Variants in ZMYM2 observed in about 807,000 individuals in gnomAD.
The protein encoded by ZMYM2 is zinc finger MYM-type protein 2.
Under a neutral mutation model 162.8 loss-of-function variants are expected in ZMYM2, and 56 were observed. That is an observed-to-expected ratio of 0.34 (90% CI 0.28 to 0.43). ZMYM2 has a LOEUF of 0.43. Ranked by LOEUF, ZMYM2 falls within the 20% of genes least tolerant of loss-of-function variation. The probability of loss-of-function intolerance (pLI) is 1.00; values close to 1 mark genes in which losing one functional copy is unlikely to be tolerated. For synonymous variants in ZMYM2, 510 were observed against 541.6 expected, an observed-to-expected ratio of 0.94 and a Z score of 0.81; for missense variants, 1,275 against 1,621.8, an observed-to-expected ratio of 0.79 and a Z score of 3.67.
At chr13:19,998,337 A>G (rs1256488747) in intron 3 of ZMYM2, among the ~76,000 whole-genome samples, 1 of 152,212 alleles carries the variant, frequency 6.6e-6, no homozygotes, top group Admixed American at 6.5e-5. Flanking sequence ...ATGTAAATTG[A>G]AAATAGAGAA....
intron 2 of ZMYM2, among the ~76,000 whole-genome samples, chr13:19,978,678 G>A (rs1297909370): frequency 6.6e-6 from 1 of 152,166 alleles, no homozygotes; most frequent in Non-Finnish European, 1.5e-5. Flanking sequence ...GCCTCCCAAA[G>A]TGCTGGGATT....
At chr13:20,021,864 G>A (rs1368447286) in intron 7 of ZMYM2, among the ~76,000 whole-genome samples, 3 of 152,256 alleles carry the variant, frequency 2.0e-5, no homozygotes, top group Non-Finnish European at 2.9e-5. Context: ...AAATACGTCG[G>A]TAGATGTATT....
chr13:19,884,685 G>T, the ZMYM2 span, among the ~76,000 whole-genome samples: 2 of 151,984 alleles, frequency 1.3e-5, no homozygotes, highest in Non-Finnish European at 2.9e-5. Flanking sequence ...TAGCACGTCC[G>T]GACTTCGTTC....
intron 2 of ZMYM2, among the ~76,000 whole-genome samples, chr13:19,992,483 C>T (rs1188390274): frequency 1.3e-5 from 2 of 152,122 alleles, no homozygotes; most frequent in African/African-American, 4.8e-5. Flanking sequence ...TCGCCTTAAC[C>T]TGGGAGGTCA....
intron 3 of ZMYM2, among the ~76,000 whole-genome samples, chr13:20,001,815 T>C (rs1034537805): frequency 6.6e-6 from 1 of 152,250 alleles, no homozygotes; most frequent in Non-Finnish European, 1.5e-5. Context: ...AGATTACAGC[T>C]TGATGAAAGC....
intron 6 of ZMYM2, among the ~76,000 whole-genome samples, chr13:20,015,309 A>G (rs1951531231): frequency 6.6e-6 from 1 of 152,114 alleles, no homozygotes; most frequent in African/African-American, 2.4e-5. Flanking sequence ...TCCATTGCTC[A>G]TTGGAAAGAT....
chr13:19,962,682 G>T (rs1955377082), intron 2 of ZMYM2, among the ~76,000 whole-genome samples: 1 of 150,548 alleles, frequency 6.6e-6, no homozygotes, highest in African/African-American at 2.4e-5. Context: ...GCGCCACTGT[G>T]CCTGACCAAT....
At chr13:19,955,138 A>AATTATTATTATTATTATT (rs58375933), upstream of ZMYM2, among the ~76,000 whole-genome samples, 3 of 149,712 alleles carry the variant, frequency 2.0e-5, no homozygotes, top group Middle Eastern at 3.5e-3. Context: ...TAGTTACTGC[A>AATTATTATTATTATTATT]ATTATTATTA....
the ZMYM2 span, among the ~76,000 whole-genome samples, chr13:19,884,472 G>T: frequency 6.6e-6 from 1 of 152,056 alleles, no homozygotes; most frequent in Non-Finnish European, 1.5e-5. Flanking sequence ...CAGCTACTCG[G>T]GAGGCCGAGG....
At chr13:20,016,903 T>C (rs1399587841) in intron 6 of ZMYM2, among the ~76,000 whole-genome samples, 2 of 152,230 alleles carry the variant, frequency 1.3e-5, no homozygotes, top group African/African-American at 4.8e-5. Flanking sequence ...TTTTAGCCAT[T>C]AATTTTTCAG....
chr13:19,888,803 T>G, the ZMYM2 span, among the ~76,000 whole-genome samples: 1 of 151,918 alleles, frequency 6.6e-6, no homozygotes, highest in African/African-American at 2.4e-5. Context: ...TTCAGCATTT[T>G]GGCCAGGCTG....
intron 19 of ZMYM2, among the ~76,000 whole-genome samples, chr13:20,065,857 G>A (rs1047059203): frequency 6.6e-6 from 1 of 151,968 alleles, no homozygotes; most frequent in Admixed American, 6.6e-5. Context: ...ACAGAGCAAG[G>A]CCCTGTCTTA....
chr13:20,075,557 A>C (rs1388038330), intron 21 of ZMYM2, among the ~76,000 whole-genome samples: 1 of 152,200 alleles, frequency 6.6e-6, no homozygotes, highest in Admixed American at 6.5e-5. Flanking sequence ...AAATGATAGG[A>C]AATCCTACGA....
intron 7 of ZMYM2, chr13:20,025,790 T>C (rs1952529961): frequency 6.6e-6 from 1 of 152,296 alleles, no homozygotes; most frequent in South Asian, 2.1e-4. Flanking sequence ...TTATTGCTGC[T>C]AGGCTATAAG....
intron 6 of ZMYM2, among the ~76,000 whole-genome samples, chr13:20,010,639 T>C (rs1307957688): frequency 6.6e-6 from 1 of 151,776 alleles, no homozygotes; most frequent in Non-Finnish European, 1.5e-5. Flanking sequence ...GTTTGTCTGT[T>C]TGTTTGTTTG....
chr13:19,870,599 T>TTC, the ZMYM2 span, among the ~76,000 whole-genome samples: 10 of 131,686 alleles, frequency 7.6e-5, no homozygotes, highest in African/African-American at 2.8e-4. Context: ...TTCCTTCCTT[T>TTC]CTTTCTTTCT....
At chr13:20,050,839 G>A (rs913544111) in intron 12 of ZMYM2, among the ~76,000 whole-genome samples, 2 of 151,978 alleles carry the variant, frequency 1.3e-5, no homozygotes, top group South Asian at 4.1e-4. Context: ...CAAATTGCTT[G>A]TCTTATAGAT....
At chr13:19,878,167 G>A in the ZMYM2 span, among the ~76,000 whole-genome samples, 5 of 151,100 alleles carry the variant, frequency 3.3e-5, no homozygotes, top group African/African-American at 9.7e-5. Context: ...ATTCTCCTGC[G>A]TCAGCTGCCC....
Position 20,074,237 on chromosome 13 carries a change from T to TGTGTGAGAGA in ZMYM2, c.3453+6848_3453+6849insTGTGAGAGAG, listed in dbSNP as rs1491090474. Among the ~76,000 whole-genome samples the TGTGTGAGAGA allele has an allele frequency of 1.9e-3, 242 of 127,556 alleles. 3 individuals are homozygous for TGTGTGAGAGA. Among genetic ancestry groups the TGTGTGAGAGA allele is most frequent in the African/African-American group, 6.2e-3 (235 of 37,690 alleles). The allele number at this position is 127,556 out of a possible 152,430, so 83.7% of individuals were successfully genotyped here. The stretch of plus-strand genomic sequence containing the variant: ...GTGTGTGTGTGTGTGTGTGTGTGTG[T>TGTGTGAGAGA]GAGAGAGACAGAGAGACAGGGTCTC... On this transcript the variant is annotated intron_variant, in intron 21 of 24. Coordinates refer to ENST00000610343, the MANE Select transcript of ZMYM2 (RefSeq NM_197968.4).
Sources: allele counts gnomAD v4.1 joint callset (sites outside exome capture counted in the v4.1 genomes callset), GRCh38; gene constraint gnomAD v4.1.1; transcripts MANE v1.5; gene names NCBI Gene and HGNC (gene_info 2026-07-23, HGNC 2026-07-21).